Variants in MAN1C1 observed in about 807,000 individuals in gnomAD.
The protein encoded by MAN1C1 is mannosyl-oligosaccharide 1,2-alpha-mannosidase IC.
A neutral mutation model predicts 71.5 loss-of-function variants in MAN1C1; 49 were observed. That is an observed-to-expected ratio of 0.69 (90% CI 0.54 to 0.87). MAN1C1 has a LOEUF of 0.87. MAN1C1 is among the 40% of genes least tolerant of loss of function. The pLI is 0.00. For synonymous variants in MAN1C1, 352 were observed against 343.7 expected, an observed-to-expected ratio of 1.02 and a Z score of -0.27; for missense variants, 743 against 835.0, an observed-to-expected ratio of 0.89 and a Z score of 1.36.
chr1:25,733,959 C>T (rs1343187041), intron 2 of MAN1C1, among the ~76,000 whole-genome samples: 1 of 151,754 alleles, frequency 6.6e-6, no homozygotes, highest in Non-Finnish European at 1.5e-5. Context: ...GCCACCACGC[C>T]CGGCTAATTT....
chr1:25,700,021 A>C (rs895471117), intron 2 of MAN1C1, among the ~76,000 whole-genome samples: 3 of 152,252 alleles, frequency 2.0e-5, no homozygotes, highest in Admixed American at 6.5e-5. Context: ...GGAGGAAGAC[A>C]AAGAGCCCCG....
rs764209556 is a variant in MAN1C1 at position 25,631,493 on chromosome 1, T to C, written c.540+13156T>C. 1.3e-5 allele frequency among the ~76,000 whole-genome samples: 2 copies of C among 152,198 alleles called. No individual in the cohort carries two copies. Among genetic ancestry groups the C allele is most frequent in the Admixed American group, 6.5e-5 (1 of 15,282 alleles). Reference sequence around the variant, plus strand: ...TTATTGAATGCTTTTTCTGCAACTATTGAGATGATCGTATGGTTTTTGTTT... The same window carrying C: ...TTATTGAATGCTTTTTCTGCAACTACTGAGATGATCGTATGGTTTTTGTTT... On this transcript the variant is annotated intron_variant, in intron 1 of 11. Transcript: ENST00000374332. This position sits in a 1 kb window ranked among gnomAD's most constrained non-coding sequence, Gnocchi z 4.2.
At position 25,631,753 on chromosome 1, in the gene MAN1C1, TGG is replaced by T. The variant is rs1316912891; in HGVS notation, c.540+13417_540+13418del. Among the ~76,000 whole-genome samples the T allele has an allele frequency of 6.6e-6, 1 of 152,198 alleles. No individual in the cohort carries two copies. The highest frequency in any genetic ancestry group is 1.5e-5 in the Non-Finnish European group (1 of 68,038). On this transcript the variant is annotated intron_variant, in intron 1 of 11. Coordinates refer to ENST00000374332, the MANE Select transcript of MAN1C1 (RefSeq NM_020379.4). This position sits in a 1 kb window ranked among gnomAD's most constrained non-coding sequence, Gnocchi z 4.2. Reference sequence around the variant, plus strand: ...CCTGGTTTTGTTATGAAAGTGATACTGGCTTCGTAGAATGATTTAGGGAGGAT... The same window carrying T: ...CCTGGTTTTGTTATGAAAGTGATACTCTTCGTAGAATGATTTAGGGAGGAT...
chr1:25,647,618 C>G (rs1013406663), intron 1 of MAN1C1, among the ~76,000 whole-genome samples: 1 of 152,110 alleles, frequency 6.6e-6, no homozygotes, highest in African/African-American at 2.4e-5. Context: ...TCAAAACTAC[C>G]CTCGAAAATC....
At chr1:25,698,434 G>A (rs2046394199) in intron 2 of MAN1C1, among the ~76,000 whole-genome samples, 2 of 152,248 alleles carry the variant, frequency 1.3e-5, no homozygotes, top group South Asian at 4.1e-4. Context: ...TCATGAGACC[G>A]TTCCTTCATG....
intron 1 of MAN1C1, among the ~76,000 whole-genome samples, chr1:25,622,444 A>G (rs951215791): frequency 1.3e-5 from 2 of 152,364 alleles, no homozygotes; most frequent in East Asian, 1.9e-4. Flanking sequence ...ATGAATGGCT[A>G]CATTAAAGAT....
rs115023921 is a variant in MAN1C1 at position 25,684,965 on chromosome 1, G to A, written c.541-1475G>A. ...AGACCTGCTGAATCAAAAACTCAGG[G>A]TGGGGCCCAACAGTCTGTTTTAACA... On this transcript the variant is annotated intron_variant, in intron 1 of 11. Coordinates refer to ENST00000374332, the MANE Select transcript of MAN1C1 (RefSeq NM_020379.4). Among the ~76,000 whole-genome samples, 1,487 of 152,344 alleles carry A rather than the reference G, an allele frequency of 9.8e-3. 26 individuals carry two copies. Among genetic ancestry groups the A allele is most frequent in the African/African-American group, 0.032 (1,322 of 41,566 alleles).
intron 8 of MAN1C1, chr1:25,777,445 A>G (rs1186660372): frequency 6.6e-6 from 1 of 152,228 alleles, no homozygotes; most frequent in Non-Finnish European, 1.5e-5. Context: ...GCCATCAGGT[A>G]GTGGAAGAAG....
intron 4 of MAN1C1, among the ~76,000 whole-genome samples, chr1:25,751,187 C>G (rs1197417696): frequency 1.3e-5 from 2 of 150,436 alleles, no homozygotes; most frequent in African/African-American, 4.9e-5. Flanking sequence ...TTCCTTCTGT[C>G]TTATCTTCCT....
intron 2 of MAN1C1, among the ~76,000 whole-genome samples, chr1:25,726,271 G>A (rs79945597): frequency 0.012 from 1,894 of 152,220 alleles, 39 homozygotes; most frequent in African/African-American, 0.043. Context: ...CCACGACCAC[G>A]GTCTCCAGGG....
chr1:25,749,221 C>T (rs1188320392), intron 3 of MAN1C1, 34 bp from the exon 4 acceptor site: 1 of 1,580,506 alleles, frequency 6.3e-7, no homozygotes. Flanking sequence ...TTACAAGTGT[C>T]CCCACTGTCC....
intron 3 of MAN1C1, among the ~76,000 whole-genome samples, chr1:25,747,454 A>G (rs901733086): frequency 6.6e-6 from 1 of 152,208 alleles, no homozygotes; most frequent in Non-Finnish European, 1.5e-5. Flanking sequence ...GGAGCTCCCC[A>G]CGGAGAGAGG....
intron 1 of MAN1C1, among the ~76,000 whole-genome samples, chr1:25,650,957 A>G (rs761713702): frequency 6.6e-6 from 1 of 152,032 alleles, no homozygotes; most frequent in Non-Finnish European, 1.5e-5. Flanking sequence ...TTATTTTTAA[A>G]CTTTTTTTTT....
At chr1:25,664,355 A>G (rs1460872710) in intron 1 of MAN1C1, among the ~76,000 whole-genome samples, 1 of 152,112 alleles carries the variant, frequency 6.6e-6, no homozygotes, top group African/African-American at 2.4e-5. Context: ...CATGGGGGAG[A>G]AAACCTTACA....
intron 1 of MAN1C1, among the ~76,000 whole-genome samples, chr1:25,675,037 C>T (rs962106082): frequency 2.6e-5 from 4 of 152,024 alleles, no homozygotes; most frequent in South Asian, 2.1e-4. Flanking sequence ...TTAGTGGATA[C>T]GTTAATAGGA....
rs115286146 is a variant in MAN1C1, at chr1:25,755,498, C to T, written c.929+1920C>T. Among the ~76,000 whole-genome samples, 998 of 152,308 alleles carry T rather than the reference C, an allele frequency of 6.6e-3. 17 individuals carry two copies. Among genetic ancestry groups the T allele is most frequent in the African/African-American group, 0.023 (951 of 41,540 alleles). On this transcript the variant is annotated intron_variant, in intron 5 of 11. Transcript: ENST00000374332. ...ATATCCATTTACACATGCATGCTCC[C>T]GCCACACACAAATAGACATGTCTTC...
At chr1:25,727,287 C>T (rs1274159184) in intron 2 of MAN1C1, among the ~76,000 whole-genome samples, 1 of 152,140 alleles carries the variant, frequency 6.6e-6, no homozygotes, top group Non-Finnish European at 1.5e-5. Flanking sequence ...TGTGGATAGA[C>T]TTTGGAAATG....
At chr1:25,645,545 A>G (rs750670524) in intron 1 of MAN1C1, 1 of 152,244 alleles carries the variant, frequency 6.6e-6, no homozygotes, top group Non-Finnish European at 1.5e-5. Flanking sequence ...AAGAAATTGC[A>G]GAGTGGTGAA....
At chr1:25,729,546 C>A (rs965102731) in intron 2 of MAN1C1, among the ~76,000 whole-genome samples, 13 of 149,690 alleles carry the variant, frequency 8.7e-5, no homozygotes, top group South Asian at 2.1e-4. Context: ...TGATCTAGTT[C>A]TGTCACCCAG....
Sources: allele counts gnomAD v4.1 joint callset (sites outside exome capture counted in the v4.1 genomes callset), GRCh38; gene constraint gnomAD v4.1.1; non-coding constraint Gnocchi (gnomAD v3.1); transcripts MANE v1.5; gene names NCBI Gene and HGNC (gene_info 2026-07-23, HGNC 2026-07-21).